Variants in RPS6KC1 observed in about 807,000 individuals in gnomAD.
RPS6KC1 encodes ribosomal protein S6 kinase C1.
RPS6KC1 carries 54 observed loss-of-function variants against 103.8 expected under a neutral mutation model. The ratio of observed to expected loss-of-function variants is 0.52; its 90% CI spans 0.42 to 0.65. The LOEUF (loss-of-function observed/expected upper bound fraction) is 0.65. Ranked by LOEUF, RPS6KC1 falls within the 30% of genes least tolerant of loss-of-function variation. RPS6KC1 has a pLI of 0.00. For synonymous variants in RPS6KC1, 439 were observed against 438.7 expected (o/e 1.00, Z -0.01); for missense variants, 1,151 against 1,253.8 (o/e 0.92, Z 1.24).
At chr1:213,397,588 TACACACACACACACACAC>T in the RPS6KC1 span, among the ~76,000 whole-genome samples, 1 of 140,376 alleles carries the variant, frequency 7.1e-6, no homozygotes, top group East Asian at 2.1e-4. Flanking sequence ...CAGGAACACA[TACACACACACACACACAC>T]ACACACACAC....
intron 8 of RPS6KC1, among the ~76,000 whole-genome samples, chr1:213,212,770 G>T (rs188787115): frequency 6.6e-6 from 1 of 152,252 alleles, no homozygotes; most frequent in East Asian, 1.9e-4. Context: ...TCGGGATTTT[G>T]GCAATTCTAG....
the RPS6KC1 span, among the ~76,000 whole-genome samples, chr1:213,507,779 C>A: frequency 6.6e-6 from 1 of 152,090 alleles, no homozygotes; most frequent in Non-Finnish European, 1.5e-5. Flanking sequence ...GTTTAATAGA[C>A]CCCAGTGTCT....
chr1:213,233,288 T>A (rs2094146385), intron 10 of RPS6KC1, among the ~76,000 whole-genome samples: 2 of 152,100 alleles, frequency 1.3e-5, no homozygotes, highest in Admixed American at 1.3e-4. Flanking sequence ...GAGAGTTAAT[T>A]GTGTGTGTGA....
the RPS6KC1 span, among the ~76,000 whole-genome samples, chr1:213,496,556 GAGACC>G: frequency 1.3e-5 from 2 of 152,112 alleles, no homozygotes; most frequent in African/African-American, 2.4e-5. Context: ...TCAAGGGTTT[GAGACC>G]AGCCTGGCCA....
At chr1:213,599,698 C>T in the RPS6KC1 span, among the ~76,000 whole-genome samples, 2 of 152,186 alleles carry the variant, frequency 1.3e-5, no homozygotes, top group African/African-American at 2.4e-5. Context: ...TCAAATCTGT[C>T]GCTTGTACCA....
At chr1:213,358,441 C>T in the RPS6KC1 span, among the ~76,000 whole-genome samples, 1 of 152,228 alleles carries the variant, frequency 6.6e-6, no homozygotes, top group African/African-American at 2.4e-5. Flanking sequence ...ATAGTATTCT[C>T]TGATGGTAGT....
At chr1:213,306,215 GT>G in the RPS6KC1 span, among the ~76,000 whole-genome samples, 1 of 152,168 alleles carries the variant, frequency 6.6e-6, no homozygotes, top group Non-Finnish European at 1.5e-5. Flanking sequence ...AAGTGACACA[GT>G]TTTGTTGAAA....
At chr1:213,821,033 A>C in the RPS6KC1 span, 2 of 152,174 alleles carry the variant, frequency 1.3e-5, no homozygotes, top group African/African-American at 2.4e-5. Flanking sequence ...AAGGTGATGC[A>C]AGAGCAGGAG....
At chr1:213,828,596 G>T in the RPS6KC1 span, among the ~76,000 whole-genome samples, 1 of 152,294 alleles carries the variant, frequency 6.6e-6, no homozygotes, top group Admixed American at 6.5e-5. Context: ...TGGCTCAGTT[G>T]TATAATCCTT....
intron 5 of RPS6KC1, among the ~76,000 whole-genome samples, chr1:213,126,126 A>G (rs1251922264): frequency 6.6e-6 from 1 of 152,148 alleles, no homozygotes; most frequent in Non-Finnish European, 1.5e-5. Flanking sequence ...TATCAGTTTC[A>G]ATGGGCTAGA....
the RPS6KC1 span, among the ~76,000 whole-genome samples, chr1:213,512,607 T>C: frequency 0.87 from 132,504 of 152,212 alleles, 57,796 homozygotes; most frequent in East Asian, 0.99. Flanking sequence ...TTCAGTGCTG[T>C]GATTCCATGC....
chr1:213,328,777 T>C, the RPS6KC1 span, among the ~76,000 whole-genome samples: 6 of 151,942 alleles, frequency 3.9e-5, no homozygotes, highest in Non-Finnish European at 8.8e-5. Flanking sequence ...GAGAAGACAC[T>C]GTAAATGGAC....
chr1:213,738,837 AAAATAAATAAATAAAT>A, the RPS6KC1 span, among the ~76,000 whole-genome samples: 3,120 of 143,434 alleles, frequency 0.022, 124 homozygotes, highest in African/African-American at 0.076. Context: ...TCTACTCTAA[AAAATAAATAAATAAAT>A]AAATAAATAA....
chr1:213,529,748 A>T, the RPS6KC1 span, among the ~76,000 whole-genome samples: 1 of 152,140 alleles, frequency 6.6e-6, no homozygotes, highest in African/African-American at 2.4e-5. Context: ...GCTTCATGAG[A>T]GTCAGGACTG....
the RPS6KC1 span, among the ~76,000 whole-genome samples, chr1:213,439,834 A>G: frequency 1.3e-5 from 2 of 152,106 alleles, no homozygotes; most frequent in African/African-American, 2.4e-5. Flanking sequence ...AGAGGCAGAG[A>G]TGGAGCAAGA....
intron 8 of RPS6KC1, among the ~76,000 whole-genome samples, chr1:213,179,558 A>G (rs571967457): frequency 1.3e-5 from 2 of 152,366 alleles, no homozygotes; most frequent in South Asian, 2.1e-4. Context: ...AATGTTGAAT[A>G]AATTCAAAAG....
intron 12 of RPS6KC1, among the ~76,000 whole-genome samples, chr1:213,248,820 G>A (rs151092373): frequency 6.6e-6 from 1 of 152,138 alleles, no homozygotes; most frequent in Non-Finnish European, 1.5e-5. Flanking sequence ...CAAAGTAAGA[G>A]CAAAGAATTC....
chr1:213,235,591 G>C (rs2094203920), intron 10 of RPS6KC1, among the ~76,000 whole-genome samples: 1 of 152,080 alleles, frequency 6.6e-6, no homozygotes, highest in African/African-American at 2.4e-5. Flanking sequence ...CTTGGCAAGA[G>C]AAAACAAATA....
At chr1:213,561,475 G>A in the RPS6KC1 span, among the ~76,000 whole-genome samples, 1 of 152,144 alleles carries the variant, frequency 6.6e-6, no homozygotes, top group African/African-American at 2.4e-5. Flanking sequence ...TAGTTAAGGT[G>A]GAATTCCTTC....
Sources: gnomAD v4.1 joint callset for allele counts (sites outside exome capture counted in the v4.1 genomes callset) on GRCh38, gnomAD v4.1.1 for gene constraint, MANE v1.5 for transcripts, NCBI Gene and HGNC (gene_info 2026-07-23, HGNC 2026-07-21) for gene names.